Variants in SI observed in about 807,000 individuals in gnomAD.
SI encodes the protein sucrase-isomaltase.
SI carries 235 observed loss-of-function variants against 253.3 expected under a neutral mutation model. That is an observed-to-expected ratio of 0.93 (90% confidence interval 0.83 to 1.03). The LOEUF is 1.03. Ranked by LOEUF, SI falls within the 50% of genes least tolerant of loss-of-function variation. SI has a pLI of 0.00. For missense variants in SI, 2,442 were observed against 2,211.1 expected (o/e 1.10, Z -2.09); for synonymous variants, 819 against 712.0 (o/e 1.15, Z -2.39).
chr3:165,004,127 A>T (rs1285688336), intron 37 of SI, among the ~76,000 whole-genome samples: 1 of 152,188 alleles, frequency 6.6e-6, no homozygotes, highest in East Asian at 1.9e-4. Context: ...TCTGATTTAA[A>T]AATGGGCAAA....
the SI span, among the ~76,000 whole-genome samples, chr3:165,086,596 A>T: frequency 6.6e-6 from 1 of 152,226 alleles, no homozygotes; most frequent in Non-Finnish European, 1.5e-5. Flanking sequence ...TGGAAAGGTC[A>T]TAAGGCTACC....
rs1255647930 is a variant in SI at position 165,063,471 on chromosome 3, C to T, written c.878G>A (p.Gly293Asp). ...TGCATTGCTATTCATTAAAAAAACA[C>T]CGAATGACTTTCCAGATGTATCTTC... ...CIEDTSGKSF[G>D]VFLMNSNAME... Residue 293 changes from glycine (G) to aspartate (D), a missense_variant, in exon 8 of 48, where the codon GGT (glycine) becomes GAT (aspartate). Transcript: ENST00000264382. The T allele has an allele frequency of 9.1e-6, 14 of 1,546,262 alleles. No individual in the cohort carries two copies. The highest frequency in any genetic ancestry group is 1.2e-5 in the Non-Finnish European group (13 of 1,121,496).
At chr3:165,022,393 A>G (rs1559993483) in intron 26 of SI, among the ~76,000 whole-genome samples, 1 of 151,222 alleles carries the variant, frequency 6.6e-6, no homozygotes, top group East Asian at 2.0e-4. Flanking sequence ...TAGTTTTCAC[A>G]TGGAACTCAT....
At chr3:165,048,554 T>C (rs1414061044) in intron 15 of SI, among the ~76,000 whole-genome samples, 1 of 110,890 alleles carries the variant, frequency 9.0e-6, no homozygotes, top group African/African-American at 3.6e-5. Context: ...AATATATATA[T>C]ACATATATAT....
intron 2 of SI, 132 bp from the exon 3 acceptor site, chr3:165,074,799 A>T: frequency 4.1e-6 from 3 of 731,520 alleles, no homozygotes; most frequent in Non-Finnish European, 6.7e-6. Flanking sequence ...TAAATTTTGC[A>T]TTTAAAAAGA....
At chr3:165,088,664 A>T in the SI span, among the ~76,000 whole-genome samples, 1 of 151,830 alleles carries the variant, frequency 6.6e-6, no homozygotes, top group African/African-American at 2.4e-5. Flanking sequence ...AATAAATAAT[A>T]AATACACTTA....
chr3:165,080,930 A>AG (rs1715298536), upstream of SI, among the ~76,000 whole-genome samples: 1 of 151,866 alleles, frequency 6.6e-6, no homozygotes, highest in African/African-American at 2.4e-5. Context: ...AGAAACAGAC[A>AG]GAAAAAAAAA....
intron 3 of SI, among the ~76,000 whole-genome samples, chr3:165,071,900 G>T (rs1714603039): frequency 6.6e-6 from 1 of 152,086 alleles, no homozygotes; most frequent in Non-Finnish European, 1.5e-5. Context: ...TGTTTAAGCT[G>T]CCCATTCTGC....
chr3:165,074,518 T>C lies in SI; in HGVS notation c.255+13A>G. ...TATATTCATTAAAAATATTAAAGAC[T>C]TTTGCTGCAGACCTCTGTTGGGAAT... On this transcript the variant is annotated intron_variant, in intron 3 of 47. Coordinates refer to ENST00000264382, the MANE Select transcript of SI (RefSeq NM_001041.4). The C allele has an allele frequency of 6.3e-7, 1 of 1,578,002 alleles. No individual in the cohort carries two copies. Among genetic ancestry groups the C allele is most frequent in the Non-Finnish European group, 8.7e-7 (1 of 1,155,878 alleles).
At chr3:165,086,537 T>C in the SI span, among the ~76,000 whole-genome samples, 6 of 152,206 alleles carry the variant, frequency 3.9e-5, no homozygotes, top group Admixed American at 3.9e-4. Flanking sequence ...AAAAGTAGTT[T>C]ATGCTTCAAA....
chr3:165,008,392 A>G (rs1006916697), intron 35 of SI, among the ~76,000 whole-genome samples: 2 of 151,996 alleles, frequency 1.3e-5, no homozygotes, highest in East Asian at 1.9e-4. Context: ...AAATGCAGAT[A>G]ATTTCAAGAA....
At chr3:165,034,675 T>C (rs1712432744) in intron 22 of SI, among the ~76,000 whole-genome samples, 2 of 151,590 alleles carry the variant, frequency 1.3e-5, no homozygotes, top group Non-Finnish European at 2.9e-5. Flanking sequence ...TACAGGATAA[T>C]GTGTTTGTGT....
intron 43 of SI, 59 bp downstream of exon 43, chr3:164,992,118 G>A: frequency 3.6e-6 from 5 of 1,372,946 alleles, no homozygotes; most frequent in Non-Finnish European, 5.2e-6. Flanking sequence ...GAAAAGGCTA[G>A]GGCCAAACAA....
At chr3:165,034,535 A>G (rs1325107562) in intron 22 of SI, among the ~76,000 whole-genome samples, 3 of 151,974 alleles carry the variant, frequency 2.0e-5, no homozygotes, top group Non-Finnish European at 1.5e-5. Flanking sequence ...TTGGCTTACT[A>G]CATAAGCCAG....
chr3:164,989,436 GGAAA>G (rs1313318864), intron 44 of SI, among the ~76,000 whole-genome samples: 6 of 140,648 alleles, frequency 4.3e-5, no homozygotes, highest in Non-Finnish European at 9.3e-5. Flanking sequence ...AAGAAAGAAA[GGAAA>G]GAAAGAAGAG....
At chr3:165,011,630 C>G (rs952213661) in intron 34 of SI, among the ~76,000 whole-genome samples, 2 of 151,704 alleles carry the variant, frequency 1.3e-5, no homozygotes, top group African/African-American at 2.4e-5. Flanking sequence ...ATTTGGCCTA[C>G]GGTGTTGTTA....
intron 34 of SI, 151 bp downstream of exon 34, chr3:165,012,829 G>T: frequency 1.5e-6 from 1 of 658,210 alleles, no homozygotes; most frequent in Non-Finnish European, 2.7e-6. Flanking sequence ...GGAAAATTAG[G>T]TAAATTTTAT....
intron 12 of SI, among the ~76,000 whole-genome samples, chr3:165,057,715 A>C (rs1378810157): frequency 6.6e-5 from 10 of 151,914 alleles, no homozygotes; most frequent in South Asian, 2.1e-4. Context: ...AAAAAAAAAA[A>C]AACTTTTATC....
chr3:164,979,559 T>G (rs553320246), intron 47 of SI, 129 bp from the exon 48 acceptor site: 6 of 554,614 alleles, frequency 1.1e-5, no homozygotes, highest in African/African-American at 1.9e-5. Context: ...CTTGAGAAAT[T>G]TTTACTCTCA....
Sources: gnomAD v4.1 joint callset for allele counts (sites outside exome capture counted in the v4.1 genomes callset) on GRCh38, gnomAD v4.1.1 for gene constraint, MANE v1.5 for transcripts, NCBI Gene and HGNC (gene_info 2026-07-23, HGNC 2026-07-21) for gene names.